The following SOX6 variants were observed in gnomAD, a reference collection of about 807,000 sequenced individuals.
The protein encoded by SOX6 is SRY-box transcription factor 6.
Under a neutral mutation model 97.8 loss-of-function variants are expected in SOX6, and 11 were observed. The observed-to-expected ratio is 0.11, with a 90% CI of 0.07 to 0.19. The LOEUF is 0.19. Among genes scored for constraint, SOX6 ranks in the 10% least tolerant of loss-of-function variants. The probability of loss-of-function intolerance (pLI) is 1.00; values close to 1 mark genes in which losing one functional copy is unlikely to be tolerated. For synonymous variants in SOX6, 360 were observed against 371.4 expected (o/e 0.97, Z 0.35); for missense variants, 810 against 1,039.5 (o/e 0.78, Z 3.04).
intron 4 of SOX6, among the ~76,000 whole-genome samples, chr11:16,503,272 A>G (rs574204307): frequency 5.3e-4 from 80 of 152,146 alleles, no homozygotes; most frequent in African/African-American, 1.9e-3. Context: ...AAAAAACATG[A>G]AAGTATAAAA....
At chr11:16,089,289 G>C (rs567391647) in intron 9 of SOX6, among the ~76,000 whole-genome samples, 6 of 151,914 alleles carry the variant, frequency 3.9e-5, no homozygotes, top group African/African-American at 1.2e-4. Flanking sequence ...TTAGAAAACC[G>C]GGGGGAAAGC....
chr11:16,372,124 T>C (rs989575969), intron 1 of SOX6, among the ~76,000 whole-genome samples: 5 of 152,112 alleles, frequency 3.3e-5, no homozygotes, highest in Admixed American at 6.6e-5. Flanking sequence ...TGGCATTGTA[T>C]TGAACATATT....
rs7947774 is a variant in SOX6 at position 16,729,186 on chromosome 11, C to G, written n.353+7153G>C. ...TATTATCCAGGAGAACTTCCCCAAC[C>G]TAGCAAGGCAGGCCAACGTTCAAAT... On this transcript the variant is annotated intron_variant and non_coding_transcript_variant, in intron 2 of 5. Coordinates refer to the SOX6 transcript ENST00000524520. 4.0e-3 allele frequency among the ~76,000 whole-genome samples: 610 copies of G among 152,250 alleles called. 3 individuals are homozygous for G. Among genetic ancestry groups the G allele is most frequent in the African/African-American group, 0.011 (447 of 41,542 alleles).
intron 13 of SOX6, among the ~76,000 whole-genome samples, chr11:16,011,011 G>A (rs890005843): frequency 6.6e-6 from 1 of 151,970 alleles, no homozygotes; most frequent in African/African-American, 2.4e-5. Flanking sequence ...AAGCCCAGAG[G>A]TTCTTGTTTT....
chr11:16,098,385 A>G lies in SOX6; in HGVS notation c.899-697T>C, dbSNP rs77281309. On this transcript the variant is annotated intron_variant, in intron 7 of 15. Transcript: ENST00000683767. ...TTGATTAAATAAATGCGCATTTTAC[A>G]TGGAATATCTGTACTAAACACCTGG... is the stretch of plus-strand genomic sequence containing the variant. Among the ~76,000 whole-genome samples, 84 of 151,958 alleles carry G rather than the reference A, an allele frequency of 5.5e-4. 2 individuals are homozygous for G. In the East Asian group the frequency reaches 0.01, roughly 18 times the overall value.
intron 6 of SOX6, among the ~76,000 whole-genome samples, chr11:16,172,127 C>T (rs965018534): frequency 7.2e-5 from 11 of 151,786 alleles, no homozygotes; most frequent in Non-Finnish European, 1.6e-4. Flanking sequence ...CCACTTAACA[C>T]ATCTCTTTTC....
chr11:16,196,693 G>T (rs149421772), intron 4 of SOX6, among the ~76,000 whole-genome samples: 3 of 151,860 alleles, frequency 2.0e-5, no homozygotes, highest in Non-Finnish European at 4.4e-5. Context: ...TTCCCTCCAA[G>T]TTCACTGGTG....
intron 4 of SOX6, among the ~76,000 whole-genome samples, chr11:16,603,092 C>T (rs993541219): frequency 5.3e-5 from 8 of 152,112 alleles, no homozygotes; most frequent in African/African-American, 1.9e-4. Context: ...AGGATGTTTG[C>T]TTGTTTGTTT....
intron 3 of SOX6, among the ~76,000 whole-genome samples, chr11:16,645,349 T>C (rs528902650): frequency 6.6e-6 from 1 of 152,362 alleles, no homozygotes; most frequent in East Asian, 1.9e-4. Flanking sequence ...AGAATAGTTT[T>C]TTACCACCTG....
At chr11:16,612,794 C>T (rs1359761906) in intron 3 of SOX6, among the ~76,000 whole-genome samples, 1 of 152,078 alleles carries the variant, frequency 6.6e-6, no homozygotes, top group Non-Finnish European at 1.5e-5. Context: ...CCTCCACTCT[C>T]ACCGACACTG....
intron 1 of SOX6, among the ~76,000 whole-genome samples, chr11:16,475,413 T>C (rs1860223691): frequency 6.6e-6 from 1 of 152,176 alleles, no homozygotes; most frequent in Non-Finnish European, 1.5e-5. Context: ...TGCTCTTCCT[T>C]TCATTTGAAC....
chr11:16,448,450 C>T (rs1228795478), intron 1 of SOX6, among the ~76,000 whole-genome samples: 1 of 151,872 alleles, frequency 6.6e-6, no homozygotes, highest in African/African-American at 2.4e-5. Context: ...TCAACTTTCC[C>T]CCTTGGCAAT....
intron 4 of SOX6, among the ~76,000 whole-genome samples, chr11:16,602,099 G>A (rs1025793553): frequency 6.6e-6 from 1 of 152,072 alleles, no homozygotes; most frequent in East Asian, 1.9e-4. Flanking sequence ...CCATAATAAA[G>A]AACTCAATTT....
At chr11:16,517,826 C>T (rs4540811) in intron 4 of SOX6, among the ~76,000 whole-genome samples, 290 of 152,298 alleles carry the variant, frequency 1.9e-3, no homozygotes, top group Middle Eastern at 3.4e-3. Context: ...GAAAACTAAT[C>T]TGTCACTAGG....
Position 16,239,632 on chromosome 11 carries a change from G to A in SOX6, c.446-4961C>T, listed in dbSNP as rs565187592. Among the ~76,000 whole-genome samples, 39 of 151,816 alleles carry A rather than the reference G, an allele frequency of 2.6e-4. 1 individual carries two copies. Among genetic ancestry groups the A allele is most frequent in the Admixed American group, 5.3e-4 (8 of 15,200 alleles). On this transcript the variant is annotated intron_variant, in intron 3 of 15. Coordinates refer to ENST00000683767, the MANE Select transcript of SOX6 (RefSeq NM_001367873.1). ...AATATCTCATACAATACTATATTCC[G>A]TCCTATTTTTAGCCAAGCAGCAAGA...
intron 4 of SOX6, among the ~76,000 whole-genome samples, chr11:16,194,490 T>C (rs1000215516): frequency 2.0e-5 from 3 of 152,332 alleles, no homozygotes; most frequent in Middle Eastern, 3.4e-3. Context: ...ACAGGAAGTG[T>C]GCCTCATGAG....
chr11:16,065,967 T>C (rs746999238), intron 9 of SOX6, among the ~76,000 whole-genome samples: 1 of 152,158 alleles, frequency 6.6e-6, no homozygotes, highest in Non-Finnish European at 1.5e-5. Flanking sequence ...ATCAACAAAG[T>C]GAAGAGACAA....
intron 3 of SOX6, among the ~76,000 whole-genome samples, chr11:16,704,000 A>C (rs1416392971): frequency 6.6e-6 from 1 of 152,210 alleles, no homozygotes; most frequent in Non-Finnish European, 1.5e-5. Context: ...TGCTAAAGTC[A>C]CTGTCAATCA....
chr11:16,521,572 C>T (rs1357488207), intron 4 of SOX6, among the ~76,000 whole-genome samples: 9 of 152,286 alleles, frequency 5.9e-5, no homozygotes, highest in East Asian at 1.9e-4. Context: ...AAAAGCAGAG[C>T]GCCTCTTCTC....
Sources: gnomAD v4.1 joint callset for allele counts (sites outside exome capture counted in the v4.1 genomes callset) on GRCh38, gnomAD v4.1.1 for gene constraint, MANE v1.5 for transcripts, NCBI Gene and HGNC (gene_info 2026-07-23, HGNC 2026-07-21) for gene names.